DNM3: variants seen among roughly 807,000 people sequenced by gnomAD.
DNM3 encodes the protein dynamin 3, also known as dynamin-3.
In DNM3, 47 loss-of-function variants were observed where a neutral mutation model predicts 101.6. That is an observed-to-expected ratio of 0.46 (90% CI 0.37 to 0.59). DNM3 has a LOEUF of 0.59. DNM3 is among the 20% of genes least tolerant of loss of function. DNM3 has a pLI of 0.00. For synonymous variants in DNM3, 385 were observed against 387.9 expected (o/e 0.99, Z 0.09); for missense variants, 849 against 1,085.7 (o/e 0.78, Z 3.06).
At chr1:172,027,415 A>C (rs1025409213) in intron 4 of DNM3, among the ~76,000 whole-genome samples, 1 of 151,992 alleles carries the variant, frequency 6.6e-6, no homozygotes, top group African/African-American at 2.4e-5. Context: ...AAACCCTGTT[A>C]CTAAAAAATA....
intron 2 of DNM3, among the ~76,000 whole-genome samples, chr1:171,942,701 G>A (rs372523530): frequency 1.1e-4 from 16 of 152,274 alleles, no homozygotes; most frequent in Middle Eastern, 3.4e-3. Flanking sequence ...TAGGGTAAGG[G>A]AACTGGGAGT....
intron 15 of DNM3, among the ~76,000 whole-genome samples, chr1:172,255,138 G>T (rs963521054): frequency 7.2e-5 from 11 of 152,046 alleles, no homozygotes; most frequent in African/African-American, 2.7e-4. Context: ...GCCATTTAAA[G>T]AATCGACAGG....
intron 14 of DNM3, among the ~76,000 whole-genome samples, chr1:172,197,727 T>C (rs1277110852): frequency 1.3e-5 from 2 of 152,114 alleles, no homozygotes; most frequent in Non-Finnish European, 2.9e-5. Flanking sequence ...TGTTGATGTA[T>C]AGAAATGCTA....
At chr1:171,906,340 C>A (rs1435740499) in intron 1 of DNM3, among the ~76,000 whole-genome samples, 1 of 151,924 alleles carries the variant, frequency 6.6e-6, no homozygotes, top group Non-Finnish European at 1.5e-5. Context: ...CTTTCCCAGG[C>A]TAGTCTTGAA....
chr1:172,190,664 C>T (rs981723312), intron 14 of DNM3, among the ~76,000 whole-genome samples: 7 of 152,168 alleles, frequency 4.6e-5, no homozygotes, highest in Non-Finnish European at 7.3e-5. Flanking sequence ...TCTCCACATG[C>T]TCTCCAGCAC....
rs186334656 is a variant in DNM3, at chr1:172,076,292, T to G, written c.1423-5540T>G. On this transcript the variant is annotated intron_variant, in intron 11 of 20. Coordinates refer to ENST00000627582, the MANE Select transcript of DNM3 (RefSeq NM_015569.5). Reference sequence around the variant, plus strand: ...ACAATTTAACTTCCTCTCTTTTTATTTGAATATCCTTTATTTCTTTCTCTT... The same window carrying G: ...ACAATTTAACTTCCTCTCTTTTTATGTGAATATCCTTTATTTCTTTCTCTT... Among the ~76,000 whole-genome samples the G allele has an allele frequency of 2.1e-3, 316 of 152,328 alleles. 4 individuals carry two copies. The highest frequency in any genetic ancestry group is 7.2e-3 in the African/African-American group (299 of 41,578).
At chr1:172,414,374 A>G (rs1033522641), downstream of DNM3, among the ~76,000 whole-genome samples, 3 of 152,262 alleles carry the variant, frequency 2.0e-5, no homozygotes, top group Non-Finnish European at 4.4e-5. Context: ...ACATACACCA[A>G]TGGTTTTTTG....
intron 14 of DNM3, among the ~76,000 whole-genome samples, chr1:172,177,268 A>G (rs2059185413): frequency 6.6e-6 from 1 of 151,850 alleles, no homozygotes; most frequent in Non-Finnish European, 1.5e-5. Context: ...AGAGAGAGAG[A>G]GAGAGAGACA....
In DNM3 at chr1:171,905,208, T is replaced by G. The variant is rs556005610; in HGVS notation, c.162-16540T>G. Among the ~76,000 whole-genome samples, 6 of 152,338 alleles carry G rather than the reference T, an allele frequency of 3.9e-5. No individual in the cohort carries two copies. The South Asian group carries it at 1.2e-3, about 32-fold the overall frequency. ...GCATATGTTACTGTATACTGCATAC[T>G]TCTCTTTAATACCCCTGTGGTCTTT... On this transcript the variant is annotated intron_variant, in intron 1 of 20. Transcript: ENST00000627582.
At chr1:172,364,006 A>T (rs965819341) in intron 17 of DNM3, among the ~76,000 whole-genome samples, 4 of 151,810 alleles carry the variant, frequency 2.6e-5, no homozygotes, top group Non-Finnish European at 5.9e-5. Context: ...GGCTAATTAC[A>T]CTTAGAGGCT....
intron 15 of DNM3, among the ~76,000 whole-genome samples, chr1:172,260,519 G>A (rs1172960597): frequency 1.3e-5 from 2 of 151,586 alleles, no homozygotes; most frequent in Non-Finnish European, 2.9e-5. Context: ...TTTTGTTGTT[G>A]TTGTTTTTAT....
At chr1:171,883,375 AC>A (rs2036468599) in intron 1 of DNM3, among the ~76,000 whole-genome samples, 2 of 79,860 alleles carry the variant, frequency 2.5e-5, no homozygotes, top group Non-Finnish European at 5.6e-5. Context: ...ACACACACAC[AC>A]ACACACACAC....
At chr1:171,930,765 G>A (rs946997247) in intron 2 of DNM3, among the ~76,000 whole-genome samples, 1 of 152,168 alleles carries the variant, frequency 6.6e-6, no homozygotes, top group Non-Finnish European at 1.5e-5. Flanking sequence ...GTACTTGGAT[G>A]TTTCAGTTGA....
chr1:172,403,402 C>G (rs1335044810), intron 20 of DNM3, among the ~76,000 whole-genome samples: 1 of 152,084 alleles, frequency 6.6e-6, no homozygotes, highest in African/African-American at 2.4e-5. Flanking sequence ...TCCCTTAACT[C>G]CTGTTAAAAT....
chr1:172,331,627 A>G (rs1020068462), intron 17 of DNM3, among the ~76,000 whole-genome samples: 1 of 152,204 alleles, frequency 6.6e-6, no homozygotes, highest in South Asian at 2.1e-4. Flanking sequence ...GCTTAGAGGT[A>G]TAAAGTGTCT....
Position 172,411,733 on chromosome 1 carries a change from T to TAATA in DNM3, c.*3893_*3894insATAA. 2.0e-6 allele frequency: 2 copies of TAATA among 985,276 alleles called. No homozygotes were observed. Among genetic ancestry groups the TAATA allele is most frequent in the Non-Finnish European group, 2.4e-6 (2 of 829,786 alleles). The allele number at this position is 985,276 out of a possible 1,614,324, so 61.0% of individuals were successfully genotyped here. A position where few individuals can be genotyped will look rare whatever the true frequency, so the allele number is the denominator to read the frequency against. Reference sequence around the variant, plus strand: ...TCTCCTCAGAATGAAGAATAAAGCCTACTAGGTCTCTAACTGTTGAACTCA... The same window carrying TAATA: ...TCTCCTCAGAATGAAGAATAAAGCCTAATAACTAGGTCTCTAACTGTTGAACTCA... On this transcript the variant is annotated 3_prime_UTR_variant, in exon 21 of 21. Coordinates refer to ENST00000627582, the MANE Select transcript of DNM3 (RefSeq NM_015569.5).
At chr1:172,022,480 G>T (rs78550632) in intron 4 of DNM3, among the ~76,000 whole-genome samples, 1,598 of 152,174 alleles carry the variant, frequency 0.011, 17 homozygotes, top group Non-Finnish European at 0.018. Flanking sequence ...ATATCACTAA[G>T]TATAGATCTA....
At chr1:172,125,870 T>C (rs1424102453) in intron 13 of DNM3, among the ~76,000 whole-genome samples, 1 of 152,188 alleles carries the variant, frequency 6.6e-6, no homozygotes, top group Non-Finnish European at 1.5e-5. Context: ...TATTTTCTCT[T>C]TCTCTGTGAA....
intron 1 of DNM3, among the ~76,000 whole-genome samples, chr1:171,895,718 C>T (rs1180096806): frequency 6.6e-6 from 1 of 152,078 alleles, no homozygotes; most frequent in Non-Finnish European, 1.5e-5. Context: ...TTGCCCATGC[C>T]TATGTCCTGA....
Sources: gnomAD v4.1 joint callset for allele counts (sites outside exome capture counted in the v4.1 genomes callset) on GRCh38, gnomAD v4.1.1 for gene constraint, MANE v1.5 for transcripts, NCBI Gene and HGNC (gene_info 2026-07-23, HGNC 2026-07-21) for gene names.